ITK: variants seen among roughly 807,000 people sequenced by gnomAD.
ITK encodes the protein IL2 inducible T cell kinase.
ITK carries 45 observed loss-of-function variants against 87.6 expected under a neutral mutation model. The observed-to-expected ratio is 0.51, with a 90% CI of 0.40 to 0.66. The LOEUF (loss-of-function observed/expected upper bound fraction) is 0.66, where lower values mean the gene tolerates loss of function less well. Among genes scored for constraint, ITK ranks in the 30% least tolerant of loss-of-function variants. ITK has a pLI of 0.00. For synonymous variants in ITK, 303 were observed against 273.6 expected, an observed-to-expected ratio of 1.11 and a Z score of -1.06; for missense variants, 605 against 766.3, an observed-to-expected ratio of 0.79 and a Z score of 2.48.
chr5:157,195,679 A>G (rs1753838343), intron 1 of ITK: 1 of 152,218 alleles, frequency 6.6e-6, no homozygotes, highest in South Asian at 2.1e-4. Context: ...TAATACTAAT[A>G]AACATTCTTC....
At chr5:157,245,609 C>T in intron 13 of ITK, 117 bp from the exon 14 acceptor site, 1 of 810,910 alleles carries the variant, frequency 1.2e-6, no homozygotes, top group Non-Finnish European at 2.1e-6. Flanking sequence ...CTCCATGATG[C>T]CCTTGTATGA....
chr5:157,240,218 A>T (rs778440201), intron 10 of ITK, 23 bp downstream of exon 10: 1 of 1,613,116 alleles, frequency 6.2e-7, no homozygotes, highest in African/African-American at 1.3e-5. Flanking sequence ...GCAGGGGTGG[A>T]CCCGGGCCGC....
chr5:157,244,354 G>A lies in ITK; in HGVS notation c.1325G>A (p.Cys442Tyr). The A allele has an allele frequency of 6.2e-7, 1 of 1,614,096 alleles. No homozygotes were observed. Among genetic ancestry groups the A allele is most frequent in the Non-Finnish European group, 8.5e-7 (1 of 1,179,978 alleles). The change falls in exon 13 of 17, where the codon TGC (cysteine) becomes TAC (tyrosine). Residue 442 changes from cysteine to tyrosine, a missense_variant. Cys to Tyr is a radical substitution (Grantham distance 194). This residue lies in a region of ITK where 464 missense variants were observed against 578.0 expected (regional missense o/e 0.80). Transcript: ENST00000422843. ...GTGTTTGAGTTCATGGAGCACGGCT[G>A]CCTGTCAGATTATCTACGCACCCAG... ...CLVFEFMEHGCLSDYLRTQRG... is the reference protein window; with the variant it reads ...CLVFEFMEHGYLSDYLRTQRG...
intron 1 of ITK, among the ~76,000 whole-genome samples, chr5:157,197,467 T>C (rs144070055): frequency 1.3e-5 from 2 of 152,362 alleles, no homozygotes; most frequent in African/African-American, 4.8e-5. Context: ...ACACTCTCTG[T>C]AAAAACTTCA....
intron 1 of ITK, 62 bp from the exon 2 acceptor site, chr5:157,208,827 C>A: frequency 8.7e-7 from 1 of 1,154,036 alleles, no homozygotes; most frequent in East Asian, 2.4e-5. Context: ...ATTTCTGGAG[C>A]AATCTGGACA....
intron 3 of ITK, chr5:157,213,688 T>G: frequency 2.7e-6 from 1 of 375,256 alleles, no homozygotes; most frequent in East Asian, 7.4e-5. Context: ...AACTCTGTTC[T>G]GTGCCTTATG....
At chr5:157,189,560 A>T (rs898941146) in intron 1 of ITK, among the ~76,000 whole-genome samples, 1 of 152,246 alleles carries the variant, frequency 6.6e-6, no homozygotes, top group Non-Finnish European at 1.5e-5. Flanking sequence ...ATATGCCTGT[A>T]ATCTCAGCTA....
Position 157,246,011 on chromosome 5 carries a change from G to A in ITK, c.1633+12G>A. The A allele has an allele frequency of 6.4e-7, 1 of 1,572,352 alleles. No individual in the cohort carries two copies. The highest frequency in any genetic ancestry group is 8.8e-7 in the Non-Finnish European group (1 of 1,142,272). On this transcript the variant is annotated intron_variant, in intron 15 of 16. Transcript: ENST00000422843. Reference sequence around the variant, plus strand: ...TGTGTGGTCATTTGGTGAGTGTCATGCTGGGCCCCACTGCCCCATGATCTG... The same window carrying A: ...TGTGTGGTCATTTGGTGAGTGTCATACTGGGCCCCACTGCCCCATGATCTG...
intron 12 of ITK, 172 bp from the exon 13 acceptor site, chr5:157,244,090 T>C: frequency 2.8e-6 from 2 of 713,984 alleles, no homozygotes; most frequent in Non-Finnish European, 2.5e-6. Flanking sequence ...CTTGCCATTT[T>C]TCAGGTCTCA....
intron 12 of ITK, 144 bp from the exon 13 acceptor site, chr5:157,244,118 T>G (rs1418139569): frequency 3.8e-6 from 3 of 780,528 alleles, no homozygotes; most frequent in Non-Finnish European, 6.6e-6. Flanking sequence ...TGACATGTTT[T>G]TGTTTTGGGG....
chr5:157,185,388 G>A (rs551270351), intron 1 of ITK, among the ~76,000 whole-genome samples: 5 of 151,950 alleles, frequency 3.3e-5, no homozygotes, highest in Non-Finnish European at 5.9e-5. Context: ...ACGGGTGCGC[G>A]CCATCATGCT....
At chr5:157,194,712 A>AC (rs1753819071) in intron 1 of ITK, among the ~76,000 whole-genome samples, 1 of 152,238 alleles carries the variant, frequency 6.6e-6, no homozygotes, top group Non-Finnish European at 1.5e-5. Context: ...TTATGTATCT[A>AC]CTATAATTTA....
At chr5:157,213,332 G>T (rs868191773) in intron 3 of ITK, among the ~76,000 whole-genome samples, 6 of 152,256 alleles carry the variant, frequency 3.9e-5, no homozygotes, top group Middle Eastern at 3.4e-3. Flanking sequence ...CCCTCAACAC[G>T]CAGGAATCAT....
intron 1 of ITK, among the ~76,000 whole-genome samples, chr5:157,182,269 G>A (rs1284628105): frequency 6.6e-6 from 1 of 152,142 alleles, no homozygotes; most frequent in Non-Finnish European, 1.5e-5. Flanking sequence ...GTTGGAGTCT[G>A]ACTTAGTAGG....
At chr5:157,223,157 G>A (rs1754460576) in intron 6 of ITK, 143 bp downstream of exon 6, 2 of 1,069,816 alleles carry the variant, frequency 1.9e-6, no homozygotes, top group African/African-American at 3.1e-5. Flanking sequence ...GAAGAGGGAG[G>A]AAGAGGAAGT....
At chr5:157,228,234 C>A in intron 6 of ITK, 62 bp from the exon 7 acceptor site, 1 of 986,360 alleles carries the variant, frequency 1.0e-6, no homozygotes, top group Non-Finnish European at 1.6e-6. Flanking sequence ...ATGGATTAAA[C>A]CTATAAAATG....
intron 8 of ITK, among the ~76,000 whole-genome samples, chr5:157,233,928 G>GATATATATATATATATAT (rs1554102416): frequency 2.2e-5 from 1 of 45,544 alleles, no homozygotes. Context: ...CCTCCTTACT[G>GATATATATATATATATAT]ATACATATAT....
rs375931104 is a variant in ITK at position 157,202,520 on chromosome 5, T to A, written c.139-6369T>A. On this transcript the variant is annotated intron_variant, in intron 1 of 16. Coordinates refer to ENST00000422843, the MANE Select transcript of ITK (RefSeq NM_005546.4). ...GAGCCACCACGCCTGGCCTCACATTTTCTTTATTCATTCTTTTGTTAATGG... is the reference window on the plus strand; with the variant it reads ...GAGCCACCACGCCTGGCCTCACATTATCTTTATTCATTCTTTTGTTAATGG... Among the ~76,000 whole-genome samples the A allele has an allele frequency of 1.7e-3, 262 of 152,338 alleles. 1 individual carries two copies. Among genetic ancestry groups the A allele is most frequent in the African/African-American group, 6.1e-3 (254 of 41,584 alleles).
chr5:157,224,979 T>C (rs1445137342), intron 6 of ITK, among the ~76,000 whole-genome samples: 1 of 152,024 alleles, frequency 6.6e-6, no homozygotes, highest in African/African-American at 2.4e-5. Context: ...ATATGATATA[T>C]ATTTATCACA....
Sources: gnomAD v4.1 joint callset for allele counts (sites outside exome capture counted in the v4.1 genomes callset) on GRCh38, gnomAD v4.1.1 for gene constraint, gnomAD v4.1.1 regional missense constraint, MANE v1.5 for transcripts, NCBI Gene and HGNC (gene_info 2026-07-23, HGNC 2026-07-21) for gene names.